USH2A: variants seen among roughly 807,000 people sequenced by gnomAD.
The protein encoded by USH2A is Usher syndrome 2A (autosomal recessive, mild).
In USH2A, 443 loss-of-function variants were observed where a neutral mutation model predicts 538.9. The ratio of observed to expected loss-of-function variants is 0.82; its 90% CI spans 0.76 to 0.89. The LOEUF (loss-of-function observed/expected upper bound fraction) is 0.89. Ranked by LOEUF, USH2A falls within the 40% of genes least tolerant of loss-of-function variation. The pLI is 0.00. For synonymous variants in USH2A, 2,413 were observed against 2,273.5 expected (o/e 1.06, Z -1.75); for missense variants, 6,633 against 6,324.8 (o/e 1.05, Z -1.65).
At chr1:215,781,959 T>G (rs893027696) in intron 54 of USH2A, 83 bp downstream of exon 54, 3 of 1,587,540 alleles carry the variant, frequency 1.9e-6, no homozygotes, top group African/African-American at 2.7e-5. Flanking sequence ...TTTTCTTCAA[T>G]GAAAAAAGCA....
rs548672224 is a variant in USH2A at position 215,838,512 on chromosome 1, C to G, written c.9259-409G>C. Among the ~76,000 whole-genome samples, 202 of 152,294 alleles carry G rather than the reference C, an allele frequency of 1.3e-3. 1 individual carries two copies. Among genetic ancestry groups the G allele is most frequent in the South Asian group, 1.0e-2 (48 of 4,824 alleles). Reference sequence around the variant, plus strand: ...TGATGGTATCTTCTGGAAGTCTTGACACTGTAAAACAAATAGCCTAAATGC... The same window carrying G: ...TGATGGTATCTTCTGGAAGTCTTGAGACTGTAAAACAAATAGCCTAAATGC... On this transcript the variant is annotated intron_variant, in intron 46 of 71. Transcript: ENST00000307340.
At chr1:215,847,265 G>T (rs1043978891) in intron 44 of USH2A, among the ~76,000 whole-genome samples, 1 of 152,118 alleles carries the variant, frequency 6.6e-6, no homozygotes, top group Non-Finnish European at 1.5e-5. Flanking sequence ...TATTTTCAGA[G>T]ACTTTTAAGC....
intron 11 of USH2A, among the ~76,000 whole-genome samples, chr1:216,274,947 A>C (rs2036643067): frequency 6.6e-6 from 1 of 152,132 alleles, no homozygotes; most frequent in Admixed American, 6.6e-5. Context: ...TGCTCAAATA[A>C]AACTATAGTA....
chr1:216,259,271 G>A (rs2036319411), intron 11 of USH2A, among the ~76,000 whole-genome samples: 1 of 152,064 alleles, frequency 6.6e-6, no homozygotes, highest in Non-Finnish European at 1.5e-5. Flanking sequence ...AAACATACTG[G>A]TTGCTGCACA....
chr1:215,827,594 G>A (rs1352854823), intron 47 of USH2A, among the ~76,000 whole-genome samples: 2 of 152,132 alleles, frequency 1.3e-5, no homozygotes, highest in Non-Finnish European at 2.9e-5. Flanking sequence ...GCCATCAAAT[G>A]AGTAATATTT....
rs187760289 is a variant in USH2A at position 215,763,204 on chromosome 1, T to C, written c.11048-3361A>G. 9.8e-3 allele frequency among the ~76,000 whole-genome samples: 1,490 copies of C among 152,312 alleles called. 4 individuals carry two copies. The highest frequency in any genetic ancestry group is 0.015 in the Non-Finnish European group (1,039 of 68,032). On this transcript the variant is annotated intron_variant, in intron 56 of 71. Transcript: ENST00000307340. The stretch of plus-strand genomic sequence containing the variant: ...ATGGGAAGATAAAGACTTTTTCTTA[T>C]CCTTCATGGAGTTCATGTATCATGG...
At chr1:215,738,197 A>G (rs562978683) in intron 60 of USH2A, among the ~76,000 whole-genome samples, 12 of 152,098 alleles carry the variant, frequency 7.9e-5, no homozygotes, top group Non-Finnish European at 1.6e-4. Context: ...GGTTGCAGAT[A>G]TAAAATAAAG....
At chr1:215,950,195 T>G (rs76867257) in intron 37 of USH2A, among the ~76,000 whole-genome samples, 4,884 of 152,276 alleles carry the variant, frequency 0.032, 123 homozygotes, top group South Asian at 0.084. Context: ...TAGAAGTATG[T>G]GTTAACAATA....
intron 3 of USH2A, among the ~76,000 whole-genome samples, chr1:216,398,555 T>TAC (rs71556650): frequency 7.8e-6 from 1 of 127,684 alleles, no homozygotes; most frequent in African/African-American, 2.6e-5. Context: ...AGCACACCCA[T>TAC]ACACACACAC....
intron 69 of USH2A, among the ~76,000 whole-genome samples, chr1:215,637,912 T>C (rs999696781): frequency 2.6e-5 from 4 of 152,190 alleles, no homozygotes; most frequent in African/African-American, 4.8e-5. Context: ...GAATCTGTTT[T>C]AGTGGAAAAG....
intron 58 of USH2A, among the ~76,000 whole-genome samples, chr1:215,744,351 C>T (rs1660402769): frequency 1.3e-5 from 2 of 152,264 alleles, no homozygotes; most frequent in South Asian, 4.1e-4. Flanking sequence ...TTAGCCTCGT[C>T]AAAGTCTATT....
intron 34 of USH2A, among the ~76,000 whole-genome samples, chr1:215,998,386 G>C (rs1668186309): frequency 6.6e-6 from 1 of 151,828 alleles, no homozygotes; most frequent in African/African-American, 2.4e-5. Context: ...GTTGATTCTG[G>C]GGTTTTATTA....
At chr1:215,743,356 A>C (rs1660360873) in intron 58 of USH2A, 21 bp from the exon 59 acceptor site, 1 of 1,501,038 alleles carries the variant, frequency 6.7e-7, no homozygotes, top group Non-Finnish European at 9.1e-7. Context: ...AGAGAGAGAG[A>C]GAGAACATTA....
intron 11 of USH2A, among the ~76,000 whole-genome samples, chr1:216,263,149 A>C (rs1389052997): frequency 6.6e-6 from 1 of 152,156 alleles, no homozygotes; most frequent in African/African-American, 2.4e-5. Context: ...TCTCCCAACA[A>C]AGAAAAGTCC....
intron 44 of USH2A, among the ~76,000 whole-genome samples, chr1:215,856,252 C>T (rs911679209): frequency 6.6e-6 from 1 of 152,114 alleles, no homozygotes; most frequent in African/African-American, 2.4e-5. Flanking sequence ...AATAGACAAC[C>T]CACAGAGTGG....
chr1:216,047,707 G>C (rs865832437), intron 31 of USH2A, among the ~76,000 whole-genome samples: 6 of 152,176 alleles, frequency 3.9e-5, no homozygotes, highest in Admixed American at 2.6e-4. Flanking sequence ...AAGAGAGAGA[G>C]AGAAAGACTG....
intron 36 of USH2A, among the ~76,000 whole-genome samples, chr1:215,967,780 T>C (rs968435807): frequency 3.3e-5 from 5 of 152,080 alleles, no homozygotes; most frequent in African/African-American, 1.2e-4. Flanking sequence ...GTGAATGTGT[T>C]TGTACATGTG....
intron 58 of USH2A, among the ~76,000 whole-genome samples, chr1:215,754,847 T>C (rs890236085): frequency 3.9e-5 from 6 of 152,230 alleles, no homozygotes; most frequent in Admixed American, 2.6e-4. Context: ...ACTTGGTGAG[T>C]GTGATCCATG....
intron 16 of USH2A, among the ~76,000 whole-genome samples, chr1:216,205,345 T>C (rs961143716): frequency 1.1e-4 from 17 of 152,220 alleles, no homozygotes; most frequent in Non-Finnish European, 2.4e-4. Flanking sequence ...GTTTTCAGGA[T>C]ACTTTGCCAA....
Sources: gnomAD v4.1 joint callset for allele counts (sites outside exome capture counted in the v4.1 genomes callset) on GRCh38, gnomAD v4.1.1 for gene constraint, MANE v1.5 for transcripts, NCBI Gene and HGNC (gene_info 2026-07-23, HGNC 2026-07-21) for gene names.